The following COA8 variants were observed in gnomAD, a reference collection of about 807,000 sequenced individuals.
COA8 encodes the protein UPF0671 protein C14orf153.
In COA8, 20 loss-of-function variants were observed where a neutral mutation model predicts 22.0. The observed-to-expected ratio is 0.91, with a 90% CI of 0.64 to 1.32. COA8 has a LOEUF of 1.32. Among genes scored for constraint, COA8 ranks in the 40% most tolerant of loss-of-function variants. The probability of loss-of-function intolerance (pLI) is 0.00; values close to 1 mark genes in which losing one functional copy is unlikely to be tolerated. For missense variants in COA8, 266 were observed against 230.0 expected (o/e 1.16, Z -1.01); for synonymous variants, 105 against 79.9 (o/e 1.31, Z -1.68).
At chr14:103,565,868 G>C (rs2076132071) in intron 1 of COA8, among the ~76,000 whole-genome samples, 1 of 151,940 alleles carries the variant, frequency 6.6e-6, no homozygotes. Flanking sequence ...GCTCACCTCA[G>C]CCTCCCAAAG....
Position 103,581,907 on chromosome 14 carries a change from G to C in COA8, c.386-5367G>C, listed in dbSNP as rs1035243083. ...GTCTGTGGGAATAAAGGGGTTGCCA[G>C]ACACCCTCCCTGCTCTGTGGAGGGA... On this transcript the variant is annotated intron_variant, in intron 3 of 4. Coordinates refer to ENST00000409074, the MANE Select transcript of COA8 (RefSeq NM_001370595.2). This position sits in a 1 kb window ranked among gnomAD's most constrained non-coding sequence, Gnocchi z 4.1. Among the ~76,000 whole-genome samples the C allele has an allele frequency of 2.0e-5, 3 of 152,198 alleles. No homozygotes were observed. The highest frequency in any genetic ancestry group is 6.5e-5 in the Admixed American group (1 of 15,286).
chr14:103,573,914 C>T (rs1410088347), intron 2 of COA8, among the ~76,000 whole-genome samples, 193 bp from the exon 3 acceptor site: 2 of 152,116 alleles, frequency 1.3e-5, no homozygotes, highest in African/African-American at 4.8e-5. Context: ...TTCTCAAATC[C>T]TGTTTCAAGC....
At chr14:103,569,061 G>C (rs933704002) in intron 1 of COA8, among the ~76,000 whole-genome samples, 1 of 152,168 alleles carries the variant, frequency 6.6e-6, no homozygotes, top group Non-Finnish European at 1.5e-5. Context: ...TGCTTCTCAG[G>C]AGACTGTGAG....
intron 1 of COA8, among the ~76,000 whole-genome samples, chr14:103,568,619 G>A (rs1451454373): frequency 3.3e-4 from 16 of 48,738 alleles, no homozygotes; most frequent in Non-Finnish European, 6.2e-4. Flanking sequence ...ATATGTGTGT[G>A]TGTATATATA....
intron 3 of COA8, among the ~76,000 whole-genome samples, chr14:103,586,877 T>A (rs947751530): frequency 1.3e-5 from 2 of 152,036 alleles, no homozygotes; most frequent in Non-Finnish European, 2.9e-5. Context: ...CTAATATTTG[T>A]ATTTTTAGTA....
At chr14:103,563,529 T>C (rs1160844816) in intron 1 of COA8, 1 of 353,188 alleles carries the variant, frequency 2.8e-6, no homozygotes, top group Non-Finnish European at 5.5e-6. Context: ...CGGCGAGCAC[T>C]TTATCATCGT....
intron 2 of COA8, among the ~76,000 whole-genome samples, chr14:103,572,374 A>T (rs2076194467): frequency 6.6e-6 from 1 of 152,206 alleles, no homozygotes; most frequent in Admixed American, 6.5e-5. Flanking sequence ...ATGTGTGAGC[A>T]GCAGAGCCAG....
chr14:103,572,229 G>A (rs959039444), intron 2 of COA8, among the ~76,000 whole-genome samples: 7 of 152,142 alleles, frequency 4.6e-5, no homozygotes, highest in South Asian at 2.1e-4. Flanking sequence ...TATTTGTTAC[G>A]TGGTAGTACT....
At chr14:103,584,950 C>T (rs567539753) in intron 3 of COA8, among the ~76,000 whole-genome samples, 22 of 150,722 alleles carry the variant, frequency 1.5e-4, no homozygotes, top group Non-Finnish European at 2.7e-4. Context: ...CCAGTCTGAC[C>T]GATGTGGTGA....
intron 2 of COA8, among the ~76,000 whole-genome samples, chr14:103,572,907 CG>C (rs897891368): frequency 3.9e-5 from 6 of 152,060 alleles, no homozygotes; most frequent in African/African-American, 1.4e-4. Flanking sequence ...CTCACCCTCC[CG>C]AGTAGCTGGG....
chr14:103,572,375 G>C (rs1040117011), intron 2 of COA8, among the ~76,000 whole-genome samples: 2 of 152,186 alleles, frequency 1.3e-5, no homozygotes, highest in African/African-American at 4.8e-5. Context: ...TGTGTGAGCA[G>C]CAGAGCCAGA....
At chr14:103,563,854 T>TA (rs1176160323) in intron 1 of COA8, among the ~76,000 whole-genome samples, 2 of 152,136 alleles carry the variant, frequency 1.3e-5, no homozygotes, top group East Asian at 1.9e-4. Flanking sequence ...AAAGAAGTAT[T>TA]AAAAAAGTGT....
At chr14:103,588,563 G>C (rs1376866515) in intron 4 of COA8, among the ~76,000 whole-genome samples, 1 of 152,038 alleles carries the variant, frequency 6.6e-6, no homozygotes, top group African/African-American at 2.4e-5. Context: ...GTCGACATGG[G>C]CCAGGCACGG....
In COA8 at chr14:103,574,103, T is replaced by TTTTTTG; in HGVS notation, c.322-4_322-3insTTTTTG. On this transcript the variant is annotated splice_region_variant and splice_polypyrimidine_tract_variant and intron_variant, in intron 2 of 4. Transcript: ENST00000409074. ...CTTTTTTTTTTTTTTTTTTTTTTTT[T>TTTTTTG]AAGGAAAAAGAAGAATTTATTCACT... 2 of 1,484,222 alleles carry TTTTTTG rather than the reference T, an allele frequency of 1.3e-6. No individual in the cohort carries two copies. Among genetic ancestry groups the TTTTTTG allele is most frequent in the Non-Finnish European group, 1.8e-6 (2 of 1,115,540 alleles). 91.9% of individuals were successfully genotyped at this position (1,484,222 alleles called of 1,614,324 possible). A position where few individuals can be genotyped will look rare whatever the true frequency, so the allele number is the denominator to read the frequency against.
intron 1 of COA8, among the ~76,000 whole-genome samples, chr14:103,568,230 A>G (rs1382616194): frequency 6.6e-6 from 1 of 152,078 alleles, no homozygotes; most frequent in Non-Finnish European, 1.5e-5. Flanking sequence ...TGCAGGAGAA[A>G]CGTCTCAGTG....
Position 103,563,038 on chromosome 14 carries a change from C to G in COA8, c.37C>G (p.Pro13Ala). The G allele has an allele frequency of 8.4e-6, 13 of 1,547,012 alleles. No homozygotes were observed. Among genetic ancestry groups the G allele is most frequent in the Non-Finnish European group, 1.1e-5 (13 of 1,152,008 alleles). The change falls in exon 1 of 5, where the codon CCC becomes GCC. Residue 13 changes from proline to alanine, a missense_variant. Transcript: ENST00000409074. ...VLRAGKKTFL[P>A]PLCRAFACRG... ...GCGGGCGGGGAAGAAGACCTTTCTC[C>G]CCCCTCTCTGCCGCGCCTTCGCCTG...
chr14:103,584,536 A>G (rs2076291350), intron 3 of COA8, among the ~76,000 whole-genome samples: 1 of 152,142 alleles, frequency 6.6e-6, no homozygotes, highest in African/African-American at 2.4e-5. Flanking sequence ...ATACCTCTCT[A>G]TAATGCCACG....
chr14:103,573,788 G>C (rs1303562126), intron 2 of COA8, among the ~76,000 whole-genome samples: 16 of 152,050 alleles, frequency 1.1e-4, no homozygotes, highest in African/African-American at 3.6e-4. Context: ...CCTGACCTCA[G>C]GTGATCCACC....
chr14:103,576,237 C>T (rs1156923438), intron 3 of COA8, among the ~76,000 whole-genome samples: 4 of 152,052 alleles, frequency 2.6e-5, no homozygotes, highest in African/African-American at 4.8e-5. Context: ...ACCCAGGAGG[C>T]GGAGGTTGCG....
Sources: allele counts gnomAD v4.1 joint callset (sites outside exome capture counted in the v4.1 genomes callset), GRCh38; gene constraint gnomAD v4.1.1; non-coding constraint Gnocchi (gnomAD v3.1); transcripts MANE v1.5; gene names NCBI Gene and HGNC (gene_info 2026-07-23, HGNC 2026-07-21).